Variants in FAM193B observed in about 807,000 individuals in gnomAD.
FAM193B encodes protein FAM193B.
A neutral mutation model predicts 70.7 loss-of-function variants in FAM193B; 27 were observed. The observed-to-expected ratio is 0.38, with a 90% CI of 0.28 to 0.53. The LOEUF (loss-of-function observed/expected upper bound fraction) is 0.53, where lower values mean the gene tolerates loss of function less well. Among genes scored for constraint, FAM193B ranks in the 20% least tolerant of loss-of-function variants. The pLI is 0.81. For synonymous variants in FAM193B, 448 were observed against 436.0 expected (o/e 1.03, Z -0.34); for missense variants, 1,022 against 1,072.5 (o/e 0.95, Z 0.66).
chr5:177,532,369 G>T lies in FAM193B; in HGVS notation c.1275+74C>A. Reference sequence around the variant, plus strand: ...TACCACCGTGAGCAACGGGGTCTCTGGGGAGAGCAGGGTGCTCCTTTTGCT... The same window carrying T: ...TACCACCGTGAGCAACGGGGTCTCTTGGGAGAGCAGGGTGCTCCTTTTGCT... On this transcript the variant is annotated intron_variant, in intron 5 of 8. Coordinates refer to ENST00000514747, the MANE Select transcript of FAM193B (RefSeq NM_001190946.3). The surrounding 1 kb of genome is among the most constrained non-coding windows in gnomAD (Gnocchi z 4.9). 1 of 1,531,794 alleles carries T rather than the reference G, an allele frequency of 6.5e-7. No homozygotes were observed. 94.9% of individuals were successfully genotyped at this position (1,531,794 alleles called of 1,614,324 possible). A position where few individuals can be genotyped will look rare whatever the true frequency, so the allele number is the denominator to read the frequency against.
chr5:177,552,957 A>G (rs1035553493), intron 1 of FAM193B, among the ~76,000 whole-genome samples: 8 of 152,214 alleles, frequency 5.3e-5, no homozygotes, highest in African/African-American at 1.9e-4. Context: ...GAGGCGTGGA[A>G]GATCAGAGAA....
intron 1 of FAM193B, among the ~76,000 whole-genome samples, chr5:177,546,857 T>G (rs1463698847): frequency 3.3e-5 from 5 of 152,202 alleles, no homozygotes; most frequent in Non-Finnish European, 7.3e-5. Flanking sequence ...CAAGGCTAGC[T>G]CATCCGCTGA....
chr5:177,549,550 C>T (rs887135654), intron 1 of FAM193B, among the ~76,000 whole-genome samples: 9 of 152,208 alleles, frequency 5.9e-5, no homozygotes, highest in Non-Finnish European at 1.3e-4. Context: ...CTTGCAAAGG[C>T]CACTTAATAG....
rs1237406408 is a variant in FAM193B at position 177,548,645 on chromosome 5, T to G, written c.210+5604A>C. On this transcript the variant is annotated intron_variant, in intron 1 of 8. Coordinates refer to ENST00000514747, the MANE Select transcript of FAM193B (RefSeq NM_001190946.3). ...ATACCTGGGATCCAGACCTGGAGAC[T>G]GACTCTGTAAGTCTGGGATAGGGTC... Among the ~76,000 whole-genome samples the G allele has an allele frequency of 2.0e-5, 3 of 152,320 alleles. No individual in the cohort carries two copies. The East Asian group carries it at 5.8e-4, about 29-fold the overall frequency.
intron 1 of FAM193B, among the ~76,000 whole-genome samples, chr5:177,542,341 GATT>G (rs1764952798): frequency 6.6e-6 from 1 of 152,190 alleles, no homozygotes; most frequent in African/African-American, 2.4e-5. Flanking sequence ...TGTAAAATGG[GATT>G]AAGTCCTAAT....
rs915556611 is a variant in FAM193B, at chr5:177,532,697, A to C, written c.1077-56T>G. 6 of 1,430,434 alleles carry C rather than the reference A, an allele frequency of 4.2e-6. No homozygotes were observed. The highest frequency in any genetic ancestry group is 5.5e-6 in the Non-Finnish European group (6 of 1,097,500). The allele number at this position is 1,430,434 out of a possible 1,614,324, so 88.6% of individuals were successfully genotyped here. On this transcript the variant is annotated intron_variant, in intron 4 of 8. Transcript: ENST00000514747. The surrounding 1 kb of genome is among the most constrained non-coding windows in gnomAD (Gnocchi z 4.9). ...GGCAGGGTGATGCAGAAACCCAGGA[A>C]GCATCCCAACCACCACCTGCCATCC...
intron 1 of FAM193B, among the ~76,000 whole-genome samples, chr5:177,551,225 C>T (rs1766196037): frequency 1.3e-5 from 2 of 152,042 alleles, no homozygotes; most frequent in South Asian, 4.1e-4. Flanking sequence ...TCTCTAAACA[C>T]TATTCCCCAC....
At chr5:177,522,102 C>T (rs374208533) in intron 7 of FAM193B, 31 bp from the exon 8 acceptor site, 225 of 1,563,902 alleles carry the variant, frequency 1.4e-4, no homozygotes, top group Non-Finnish European at 1.8e-4. Flanking sequence ...ATGAGAAGCA[C>T]AATCAGAGGT....
At chr5:177,529,481 C>A (rs1365490345) in intron 5 of FAM193B, among the ~76,000 whole-genome samples, 1 of 152,074 alleles carries the variant, frequency 6.6e-6, no homozygotes, top group African/African-American at 2.4e-5. Flanking sequence ...TGCAGCCCCA[C>A]GACTAAGTCT....
At chr5:177,543,008 T>G (rs1765032146) in intron 1 of FAM193B, among the ~76,000 whole-genome samples, 2 of 152,216 alleles carry the variant, frequency 1.3e-5, no homozygotes, top group African/African-American at 4.8e-5. Flanking sequence ...TTGAAATTAC[T>G]GCTGCCTACA....
rs1457808320 is a variant in FAM193B at position 177,538,878 on chromosome 5, C to G, written c.453+27G>C. 1 of 1,611,352 alleles carries G rather than the reference C, an allele frequency of 6.2e-7. No homozygotes were observed. Among genetic ancestry groups the G allele is most frequent in the Non-Finnish European group, 8.5e-7 (1 of 1,177,998 alleles). On this transcript the variant is annotated intron_variant, in intron 2 of 8. Coordinates refer to ENST00000514747, the MANE Select transcript of FAM193B (RefSeq NM_001190946.3). The surrounding 1 kb of genome is among the most constrained non-coding windows in gnomAD (Gnocchi z 4.1). ...CCTTGGGGAGGAGCCCTCCTGCATT[C>G]AGGGACCCCTGTCAGCGGTTACCTA...
intron 5 of FAM193B, among the ~76,000 whole-genome samples, chr5:177,525,851 C>A (rs143152849): frequency 3.9e-5 from 6 of 152,372 alleles, no homozygotes; most frequent in Non-Finnish European, 8.8e-5. Flanking sequence ...CTCAGAGAGG[C>A]CAGGCCCTGC....
rs1250879362 is a variant in FAM193B at position 177,529,444 on chromosome 5, C to T, written c.1275+2999G>A. On this transcript the variant is annotated intron_variant, in intron 5 of 8. Coordinates refer to ENST00000514747, the MANE Select transcript of FAM193B (RefSeq NM_001190946.3). ...ATGACCATAATCACTTGATGCATCACGCTGCCACTGTGTGTCTGTCCCTGC... is the reference window on the plus strand; with the variant it reads ...ATGACCATAATCACTTGATGCATCATGCTGCCACTGTGTGTCTGTCCCTGC... Among the ~76,000 whole-genome samples, 7 of 152,070 alleles carry T rather than the reference C, an allele frequency of 4.6e-5. No individual in the cohort carries two copies. The East Asian group carries it at 7.8e-4, about 17-fold the overall frequency.
chr5:177,546,638 C>T (rs1281986007), intron 1 of FAM193B, among the ~76,000 whole-genome samples: 2 of 152,330 alleles, frequency 1.3e-5, no homozygotes, highest in African/African-American at 4.8e-5. Context: ...TCTAAGAGAG[C>T]TGACACAACC....
intron 1 of FAM193B, among the ~76,000 whole-genome samples, chr5:177,542,818 T>G (rs1338039697): frequency 1.3e-5 from 2 of 152,236 alleles, no homozygotes; most frequent in East Asian, 3.8e-4. Flanking sequence ...TTTATTTTCC[T>G]GTATCTTCCA....
chr5:177,543,074 TAA>T (rs779281718), intron 1 of FAM193B, among the ~76,000 whole-genome samples: 13 of 152,190 alleles, frequency 8.5e-5, no homozygotes, highest in Non-Finnish European at 1.6e-4. Flanking sequence ...TTAACCGCGT[TAA>T]GAGTAAAAGA....
In FAM193B at chr5:177,554,494, GCCGCCGC is replaced by G. The variant is rs774897418; in HGVS notation, c.-43_-37del. The G allele has an allele frequency of 2.1e-3, 1,505 of 703,210 alleles. 59 individuals carry two copies. The highest frequency in any genetic ancestry group is 4.6e-3 in the African/African-American group (143 of 31,122). The allele number at this position is 703,210 out of a possible 1,614,324, so 43.6% of individuals were successfully genotyped here. A position where few individuals can be genotyped will look rare whatever the true frequency, so the allele number is the denominator to read the frequency against. On this transcript the variant is annotated 5_prime_UTR_variant, in exon 1 of 9. Coordinates refer to ENST00000514747, the MANE Select transcript of FAM193B (RefSeq NM_001190946.3). ...GCGCCGCTCCCTCGCTCCACACGCCGCCGCCGCCGCCGCCGCCGCCGCCGCCGCCGCC... is the reference window on the plus strand; with the variant it reads ...GCGCCGCTCCCTCGCTCCACACGCCGCGCCGCCGCCGCCGCCGCCGCCGCC...
At chr5:177,521,775 T>G (rs1368069758) in intron 8 of FAM193B, among the ~76,000 whole-genome samples, 199 bp downstream of exon 8, 1 of 151,914 alleles carries the variant, frequency 6.6e-6, no homozygotes, top group African/African-American at 2.4e-5. Flanking sequence ...TACAGGTGAG[T>G]GGCTGCGGGA....
intron 5 of FAM193B, among the ~76,000 whole-genome samples, chr5:177,526,174 T>C (rs987337021): frequency 1.3e-5 from 2 of 152,216 alleles, no homozygotes; most frequent in Non-Finnish European, 2.9e-5. Context: ...AGCAGGCACT[T>C]ATCTTTTGTG....
Sources: allele counts gnomAD v4.1 joint callset (sites outside exome capture counted in the v4.1 genomes callset), GRCh38; gene constraint gnomAD v4.1.1; non-coding constraint Gnocchi (gnomAD v3.1); transcripts MANE v1.5; gene names NCBI Gene and HGNC (gene_info 2026-07-23, HGNC 2026-07-21).